MUC4: variants seen among roughly 807,000 people sequenced by gnomAD.
The protein encoded by MUC4 is mucin 4, cell surface associated, also known as mucin-4.
A neutral mutation model predicts 257.9 loss-of-function variants in MUC4; 202 were observed. That is an observed-to-expected ratio of 0.78 (90% CI 0.70 to 0.88). The LOEUF (loss-of-function observed/expected upper bound fraction) is 0.88. Ranked by LOEUF, MUC4 falls within the 40% of genes least tolerant of loss-of-function variation. The pLI, the probability that MUC4 is intolerant of heterozygous loss-of-function variation, is 0.00. For missense variants in MUC4, 5,976 were observed against 6,513.7 expected (o/e 0.92, Z 2.84); for synonymous variants, 2,351 against 2,757.1 (o/e 0.85, Z 4.62).
In MUC4 at chr3:195,796,754, C is replaced by A. The variant is rs183695853; in HGVS notation, c.83-5257G>T. Among the ~76,000 whole-genome samples the A allele has an allele frequency of 2.2e-3, 328 of 152,206 alleles. 7 individuals are homozygous for A. Among genetic ancestry groups the A allele is most frequent in the African/African-American group, 7.7e-3 (318 of 41,534 alleles). ...AAAAATGCAGGCTAAGATGAGTTTA[C>A]AGGCAAATCAGACATTCAAGGAACA... is the stretch of plus-strand genomic sequence containing the variant. On this transcript the variant is annotated intron_variant, in intron 1 of 24. Coordinates refer to ENST00000463781, the MANE Select transcript of MUC4 (RefSeq NM_018406.7).
At position 195,763,369 on chromosome 3, in the gene MUC4, T is replaced by C; in HGVS notation, c.14253+64A>G. The stretch of plus-strand genomic sequence containing the variant: ...TTCGCTCTCTTCCTTCTCCTCGGCC[T>C]CAGTATGTGGCTGAAGGTCCCTGTG... On this transcript the variant is annotated intron_variant, in intron 12 of 24. Transcript: ENST00000463781. 2.2e-6 allele frequency: 3 copies of C among 1,363,432 alleles called. No homozygotes were observed. The South Asian group carries it at 5.6e-5, about 25-fold the overall frequency. 84.5% of individuals were successfully genotyped at this position (1,363,432 alleles called of 1,614,324 possible).
chr3:195,763,546 C>A lies in MUC4; in HGVS notation c.14140G>T (p.Gly4714Trp), dbSNP rs781002016. 1 of 1,587,670 alleles carries A rather than the reference C, an allele frequency of 6.3e-7. No individual in the cohort carries two copies. Among genetic ancestry groups the A allele is most frequent in the South Asian group, 1.2e-5 (1 of 86,672 alleles). The change falls in exon 12 of 25, where the codon GGG becomes TGG. Residue 4714 changes from glycine (G) to tryptophan (W), a missense_variant. Transcript: ENST00000463781. ...CCCTGAAGCAGGAAGGAGGAGTTCCCGTCTTGGGCCCCGACCAGCAGGAAG... is the reference window on the plus strand; with the variant it reads ...CCCTGAAGCAGGAAGGAGGAGTTCCAGTCTTGGGCCCCGACCAGCAGGAAG... ...GDFLLVGAQD[G>W]NSSFLLQGRT...
chr3:195,799,968 C>T (rs1735088798), intron 1 of MUC4, among the ~76,000 whole-genome samples: 1 of 152,164 alleles, frequency 6.6e-6, no homozygotes, highest in South Asian at 2.1e-4. Flanking sequence ...ACCTGCTGCT[C>T]TTTGCTTCAC....
At chr3:195,751,134 A>AG (rs1553851294) in intron 22 of MUC4, 22 bp from the exon 23 acceptor site, 5 of 212,312 alleles carry the variant, frequency 2.4e-5, no homozygotes, top group Admixed American at 3.1e-4. Context: ...GGCAACGGTG[A>AG]GGGGGGGTGG....
chr3:195,762,007 G>C (rs1304689580), intron 14 of MUC4, 80 bp downstream of exon 14: 13 of 1,452,784 alleles, frequency 8.9e-6, no homozygotes, highest in Non-Finnish European at 1.2e-5. Flanking sequence ...GCCGAGCAGG[G>C]CTGCCCGGGC....
At chr3:195,798,908 T>C (rs531719190) in intron 1 of MUC4, among the ~76,000 whole-genome samples, 94 of 152,206 alleles carry the variant, frequency 6.2e-4, no homozygotes, top group African/African-American at 2.2e-3. Flanking sequence ...CTACAAGAGC[T>C]GGCTCAGGGG....
At chr3:195,759,036 G>A (rs1718249240) in intron 17 of MUC4, 88 bp downstream of exon 17, 1 of 1,494,314 alleles carries the variant, frequency 6.7e-7, no homozygotes, top group Non-Finnish European at 9.1e-7. Flanking sequence ...GTGTTGCTGG[G>A]TGTAGCAATG....
rs1214507888 is a variant in MUC4 at position 195,786,257 on chromosome 3, T to C, written c.5323A>G (p.Thr1775Ala). The C allele has an allele frequency of 1.4e-6, 2 of 1,477,728 alleles. No homozygotes were observed. The highest frequency in any genetic ancestry group is 9.1e-7 in the Non-Finnish European group (1 of 1,095,126). 91.5% of individuals were successfully genotyped at this position (1,477,728 alleles called of 1,614,324 possible). A position where few individuals can be genotyped will look rare whatever the true frequency, so the allele number is the denominator to read the frequency against. ...GAAAGGCCGGTGACAGGAAGTGGGG[T>C]GGCGTGAGCTGTGGATACTGAGGAA... Reference protein sequence around the residue: ...DTSSVSTAHATPLPVTGLSSA... With the variant: ...DTSSVSTAHAAPLPVTGLSSA... The change falls in exon 2 of 25, where the codon ACC becomes GCC. Residue 1775 changes from threonine to alanine, a missense_variant. Coordinates refer to ENST00000463781, the MANE Select transcript of MUC4 (RefSeq NM_018406.7).
chr3:195,767,835 C>CACCACCAT (rs1560265600), intron 7 of MUC4, among the ~76,000 whole-genome samples: 2 of 114,772 alleles, frequency 1.7e-5, no homozygotes, highest in Non-Finnish European at 2.0e-5. Flanking sequence ...ACCACCATCA[C>CACCACCAT]CACCACCACC....
At chr3:195,762,710 C>CCCT (rs1719426783) in intron 13 of MUC4, 145 bp downstream of exon 13, 1 of 337,438 alleles carries the variant, frequency 3.0e-6, no homozygotes, top group South Asian at 5.7e-5. Flanking sequence ...AAGCACTCGG[C>CCCT]GCGGCACCGC....
chr3:195,801,043 A>G (rs898748904), intron 1 of MUC4, among the ~76,000 whole-genome samples: 3 of 152,226 alleles, frequency 2.0e-5, no homozygotes, highest in Non-Finnish European at 2.9e-5. Context: ...CACTCTTAAC[A>G]ATGTTTGTAA....
In MUC4 at chr3:195,781,595, GA is replaced by G. The variant is rs1223990744; in HGVS notation, c.9984del (p.Leu3329PhefsTer930). 3 of 571,162 alleles carry G rather than the reference GA, an allele frequency of 5.3e-6. No homozygotes were observed. The highest frequency in any genetic ancestry group is 7.3e-6 in the Non-Finnish European group (3 of 409,604). 35.4% of individuals were successfully genotyped at this position (571,162 alleles called of 1,614,324 possible). A position where few individuals can be genotyped will look rare whatever the true frequency, so the allele number is the denominator to read the frequency against. ...GCTGAGGAAGGGCTGGTGACATGAA[GA>G]GGGGTGGCGTGACCTGTGGATGCTG... Reference protein sequence around the residue: ...ASSASTGHATPLHVTSPSSAS... With the variant: ...ASSASTGHATXLHVTSPSSAS... On this transcript the variant is annotated frameshift_variant, in exon 2 of 25. Transcript: ENST00000463781. LOFTEE classifies it high-confidence loss of function.
intron 12 of MUC4, 24 bp from the exon 13 acceptor site, chr3:195,762,969 T>C: frequency 6.6e-7 from 1 of 1,516,608 alleles, no homozygotes; most frequent in Non-Finnish European, 8.9e-7. Context: ...GGAGGGGGCC[T>C]GAGCCCGACC....
Position 195,789,421 on chromosome 3 carries a change from T to C in MUC4, c.2159A>G (p.His720Arg). ...TTALQAAPSS[H>R]DATLGPSGGT... ...TCCTGAGGGCCCCAGGGTGGCATCA[T>C]GGCTGCTGGGTGCTGCCTGCAGTGC... Residue 720 changes from histidine to arginine, a missense_variant, in exon 2 of 25, where the codon CAT becomes CGT. Around this residue, in one of 44 missense-constraint regions of MUC4, gnomAD observed 1,583 missense variants for 1,257.4 expected, o/e 1.26. Coordinates refer to ENST00000463781, the MANE Select transcript of MUC4 (RefSeq NM_018406.7). 5 of 1,613,972 alleles carry C rather than the reference T, an allele frequency of 3.1e-6. No homozygotes were observed. Among genetic ancestry groups the C allele is most frequent in the South Asian group, 1.1e-5 (1 of 91,074 alleles).
rs1491068544 is a variant in MUC4 at position 195,746,898 on chromosome 3, G to GTGTGTA, written c.*277_*278insTACACA. On this transcript the variant is annotated 3_prime_UTR_variant, in exon 25 of 25. Transcript: ENST00000463781. ...ACATTATGAACTCGTGTGTGTGTGT[G>GTGTGTA]TGTGTGTGCACGCGCGCGTGCACAG... 7.3e-6 allele frequency: 4 copies of GTGTGTA among 544,736 alleles called. No homozygotes were observed. Among genetic ancestry groups the GTGTGTA allele is most frequent in the African/African-American group, 5.7e-5 (3 of 53,030 alleles). 33.7% of individuals were successfully genotyped at this position (544,736 alleles called of 1,614,324 possible).
intron 1 of MUC4, among the ~76,000 whole-genome samples, chr3:195,795,801 C>A (rs1734496027): frequency 7.7e-6 from 1 of 130,566 alleles, no homozygotes; most frequent in African/African-American, 3.1e-5. Flanking sequence ...AAGATTAGTT[C>A]TTTGAAAATA....
At chr3:195,778,538 T>C in intron 2 of MUC4, 83 bp from the exon 3 acceptor site, 1 of 1,558,198 alleles carries the variant, frequency 6.4e-7, no homozygotes, top group Non-Finnish European at 8.7e-7. Context: ...AATCAGGAGC[T>C]GGAAGAGGGA....
chr3:195,803,096 T>A (rs1348525024), intron 1 of MUC4, among the ~76,000 whole-genome samples: 1 of 152,220 alleles, frequency 6.6e-6, no homozygotes, highest in Non-Finnish European at 1.5e-5. Flanking sequence ...TCGAATTATA[T>A]GTCTTCCTAA....
At chr3:195,759,481 C>G (rs1051144084) in intron 16 of MUC4, among the ~76,000 whole-genome samples, 4 of 152,166 alleles carry the variant, frequency 2.6e-5, no homozygotes, top group African/African-American at 9.7e-5. Context: ...TCTCCCCCCA[C>G]CTCCTCAAAA....
Sources: allele counts gnomAD v4.1 joint callset (sites outside exome capture counted in the v4.1 genomes callset), GRCh38; gene constraint gnomAD v4.1.1; regional missense constraint gnomAD v4.1.1; transcripts MANE v1.5; gene names NCBI Gene and HGNC (gene_info 2026-07-23, HGNC 2026-07-21).